MR1: variants seen among roughly 807,000 people sequenced by gnomAD.
The protein encoded by MR1 is major histocompatibility complex, class I-related, also known as major histocompatibility complex class I-related protein 1.
MR1 carries 44 observed loss-of-function variants against 37.8 expected under a neutral mutation model. The observed-to-expected ratio is 1.16, with a 90% CI of 0.91 to 1.50. MR1 has a LOEUF of 1.50. MR1 is among the 40% of genes most tolerant of loss of function. MR1 has a pLI of 0.00. For missense variants in MR1, 386 were observed against 419.1 expected (o/e 0.92, Z 0.69); for synonymous variants, 153 against 155.8 (o/e 0.98, Z 0.13).
At position 181,049,102 on chromosome 1, in the gene MR1, G is replaced by A. The variant is rs753883669; in HGVS notation, c.118G>A (p.Gly40Arg). The A allele has an allele frequency of 8.7e-6, 14 of 1,614,076 alleles. No individual in the cohort carries two copies. Among genetic ancestry groups the A allele is most frequent in the Non-Finnish European group, 1.1e-5 (13 of 1,179,928 alleles). ...CCTGGGCGTTTCGGATCCCATCCAT[G>A]GGGTCCCTGAATTTATTTCGGTTGG... ...FRLGVSDPIH[G>R]VPEFISVGYV... is the part of the protein sequence containing the mutation. Residue 40 changes from glycine to arginine, a missense_variant, in exon 2 of 6, where the codon GGG (glycine) becomes AGG (arginine). Coordinates refer to ENST00000367580, the MANE Select transcript of MR1 (RefSeq NM_001385161.1).
Position 181,050,204 on chromosome 1 carries a change from T to C in MR1, c.522T>C (p.Tyr174=). The change falls in exon 3 of 6, where the codon TAT becomes TAC. Residue 174 remains tyrosine, a synonymous_variant. Transcript: ENST00000367580. ...AWEANQHELL[Y]QKNWLEEECI... is the part of the protein sequence containing the mutation. ...AGGCCAATCAGCATGAGTTGCTGTA[T>C]CAAAAGAATTGGCTGGAAGAAGAAT... The C allele has an allele frequency of 6.2e-7, 1 of 1,614,170 alleles. No individual in the cohort carries two copies. The highest frequency in any genetic ancestry group is 8.5e-7 in the Non-Finnish European group (1 of 1,180,018).
At chr1:181,039,883 A>G (rs1227208069) in intron 1 of MR1, among the ~76,000 whole-genome samples, 3 of 149,314 alleles carry the variant, frequency 2.0e-5, no homozygotes, top group African/African-American at 7.5e-5. Context: ...AAAAAAAAAG[A>G]AAAAAGAAAA....
intron 1 of MR1, among the ~76,000 whole-genome samples, chr1:181,046,909 C>T (rs1315417262): frequency 6.6e-6 from 1 of 152,056 alleles, no homozygotes; most frequent in Non-Finnish European, 1.5e-5. Flanking sequence ...CCTGAGCCAG[C>T]GAGAGCACCA....
rs180887296 is a variant in MR1, at chr1:181,047,426, C to G, written c.68-1626C>G. On this transcript the variant is annotated intron_variant, in intron 1 of 5. Transcript: ENST00000367580. ...CCAGCCTGACTAACATGGCAAAACC[C>G]TGTTTTTACTAAAAATACAAAAATT... 8.7e-4 allele frequency among the ~76,000 whole-genome samples: 132 copies of G among 152,176 alleles called. 1 individual carries two copies. In the East Asian group the frequency reaches 0.017, roughly 19 times the overall value.
chr1:181,057,379 T>C lies in MR1; in HGVS notation c.*2114T>C, dbSNP rs907326080. The stretch of plus-strand genomic sequence containing the variant: ...GTAGGCAAGTTTATTTCTGGAATGG[T>C]TTCTTCTTACAATCAGAATAGTTAG... On this transcript the variant is annotated 3_prime_UTR_variant, in exon 6 of 6. Transcript: ENST00000367580. 1.3e-5 allele frequency: 2 copies of C among 152,234 alleles called. No individual in the cohort carries two copies. The highest frequency in any genetic ancestry group is 4.8e-5 in the African/African-American group (2 of 41,468). 9.4% of individuals were successfully genotyped at this position (152,234 alleles called of 1,614,324 possible).
Position 181,049,225 on chromosome 1 carries a change from T to A in MR1, c.241T>A (p.Trp81Arg), listed in dbSNP as rs752049642. 4 of 1,614,146 alleles carry A rather than the reference T, an allele frequency of 2.5e-6. No homozygotes were observed. The highest frequency in any genetic ancestry group is 1.7e-5 in the Admixed American group (1 of 60,026). Residue 81 changes from tryptophan (W) to arginine (R), a missense_variant, in exon 2 of 6, where the codon TGG becomes AGG. Physicochemically the swap from Trp to Arg is moderately radical, Grantham distance 101. Transcript: ENST00000367580. The stretch of plus-strand genomic sequence containing the variant: ...GGCAGAGAACCTCGCGCCTGATCAC[T>A]GGGAGAGGTACACTCAGCTGCTGAG... Reference protein sequence around the residue: ...WMAENLAPDHWERYTQLLRGW... With the variant: ...WMAENLAPDHRERYTQLLRGW...
chr1:181,048,919 G>T, intron 1 of MR1, 133 bp from the exon 2 acceptor site: 1 of 1,184,978 alleles, frequency 8.4e-7, no homozygotes, highest in Non-Finnish European at 1.2e-6. Flanking sequence ...TTCTGTAAGA[G>T]GAAATGGCAG....
chr1:181,042,648 A>G (rs1302525754), intron 1 of MR1, among the ~76,000 whole-genome samples: 1 of 151,892 alleles, frequency 6.6e-6, no homozygotes, highest in Non-Finnish European at 1.5e-5. Context: ...CTAAAAAAAA[A>G]TACAAAAATT....
chr1:181,046,635 C>A (rs113515318), intron 1 of MR1, among the ~76,000 whole-genome samples: 1,800 of 152,232 alleles, frequency 0.012, 33 homozygotes, highest in African/African-American at 0.041. Context: ...AGAATAAAAG[C>A]AGGCTGCCCG....
intron 1 of MR1, among the ~76,000 whole-genome samples, chr1:181,042,243 C>T (rs184196661): frequency 0.01 from 1,480 of 146,462 alleles, 22 homozygotes; most frequent in African/African-American, 0.036. Flanking sequence ...GCTCTTGTTG[C>T]CCAGGCTGGA....
rs1003728710 is a variant in MR1, at chr1:181,042,529, C to T, written c.68-6523C>T. ...TCAAAAATATTTTTTAGGCCAGGTG[C>T]GGTGGCTCACGCCTGTAATCCCAGC... On this transcript the variant is annotated intron_variant, in intron 1 of 5. Transcript: ENST00000367580. Among the ~76,000 whole-genome samples, 6 of 139,520 alleles carry T rather than the reference C, an allele frequency of 4.3e-5. No homozygotes were observed. In the South Asian group the frequency reaches 8.1e-4, roughly 19 times the overall value. 91.5% of individuals were successfully genotyped at this position (139,520 alleles called of 152,430 possible).
At chr1:181,055,027 C>T (rs939995197) in intron 5 of MR1, among the ~76,000 whole-genome samples, 198 bp from the exon 6 acceptor site, 1 of 152,128 alleles carries the variant, frequency 6.6e-6, no homozygotes, top group African/African-American at 2.4e-5. Context: ...AATAATTATA[C>T]AGACTGTGAG....
intron 1 of MR1, among the ~76,000 whole-genome samples, chr1:181,038,437 A>C (rs1359993016): frequency 6.6e-6 from 1 of 152,216 alleles, no homozygotes; most frequent in Non-Finnish European, 1.5e-5. Flanking sequence ...CATTCCCAGG[A>C]ATCATAATCA....
intron 1 of MR1, among the ~76,000 whole-genome samples, 177 bp from the exon 2 acceptor site, chr1:181,048,875 G>A (rs1179440651): frequency 1.3e-5 from 2 of 152,192 alleles, no homozygotes; most frequent in Non-Finnish European, 2.9e-5. Flanking sequence ...GAGCTCTTAC[G>A]TCCTGTCCAG....
rs372662063 is a variant in MR1 at position 181,052,364 on chromosome 1, A to C, written c.734A>C (p.Gln245Pro). ...ATGAAAAACGGGGAAGAAATTGTCC[A>C]AGAAATTGATTATGGAGACATTCTT... Reference protein sequence around the residue: ...TWMKNGEEIVQEIDYGDILPS... With the variant: ...TWMKNGEEIVPEIDYGDILPS... The change falls in exon 4 of 6, where the codon CAA becomes CCA. Residue 245 changes from glutamine to proline, a missense_variant. Physicochemically the swap from Gln to Pro is moderately conservative, Grantham distance 76. Transcript: ENST00000367580. 23 of 1,614,078 alleles carry C rather than the reference A, an allele frequency of 1.4e-5. No homozygotes were observed. The African/African-American group carries it at 2.9e-4, about 21-fold the overall frequency.
intron 1 of MR1, among the ~76,000 whole-genome samples, chr1:181,042,666 C>G (rs371846109): frequency 6.6e-6 from 1 of 151,642 alleles, no homozygotes; most frequent in East Asian, 2.0e-4. Flanking sequence ...ATTAGCCAGG[C>G]GTGATGGTGG....
At position 181,034,003 on chromosome 1, in the gene MR1, G is replaced by A. The variant is rs770318923; in HGVS notation, c.-5G>A. On this transcript the variant is annotated 5_prime_UTR_variant, in exon 1 of 6. Transcript: ENST00000367580. ...TGGTTAAAAGAACCCGGAAAGAGAA[G>A]GACTATGGGGGAACTGATGGCGTTC... The A allele has an allele frequency of 6.2e-7, 1 of 1,607,842 alleles. No individual in the cohort carries two copies. Among genetic ancestry groups the A allele is most frequent in the Non-Finnish European group, 8.5e-7 (1 of 1,178,180 alleles).
At position 181,056,686 on chromosome 1, in the gene MR1, C is replaced by T. The variant is rs75395204; in HGVS notation, c.*1421C>T. On this transcript the variant is annotated 3_prime_UTR_variant, in exon 6 of 6. Transcript: ENST00000367580. ...ACTTCTCTGACCCCGTTTGACTCTG[C>T]ACCTGAGCCCTAATGCTTACTTCAG... The T allele has an allele frequency of 0.029, 4,445 of 152,542 alleles. 217 individuals carry two copies. The highest frequency in any genetic ancestry group is 0.1 in the African/African-American group (4,233 of 41,556). The allele number at this position is 152,542 out of a possible 1,614,324, so 9.4% of individuals were successfully genotyped here. A position where few individuals can be genotyped will look rare whatever the true frequency, so the allele number is the denominator to read the frequency against.
intron 5 of MR1, among the ~76,000 whole-genome samples, chr1:181,054,870 A>G (rs566772013): frequency 6.6e-6 from 1 of 152,248 alleles, no homozygotes; most frequent in Non-Finnish European, 1.5e-5. Flanking sequence ...TCAAAAAAGA[A>G]AAAAGAAAAG....
Sources: allele counts gnomAD v4.1 joint callset (sites outside exome capture counted in the v4.1 genomes callset), GRCh38; gene constraint gnomAD v4.1.1; transcripts MANE v1.5; gene names NCBI Gene and HGNC (gene_info 2026-07-23, HGNC 2026-07-21).